Variants in TIMMDC1 observed in about 807,000 individuals in gnomAD.
TIMMDC1 encodes complex I assembly factor TIMMDC1, mitochondrial.
A neutral mutation model predicts 32.6 loss-of-function variants in TIMMDC1; 25 were observed. That is an observed-to-expected ratio of 0.77 (90% CI 0.56 to 1.07). The LOEUF (loss-of-function observed/expected upper bound fraction) is 1.07. Among genes scored for constraint, TIMMDC1 ranks in the 50% least tolerant of loss-of-function variants. TIMMDC1 has a pLI of 0.00. For missense variants in TIMMDC1, 329 were observed against 349.2 expected (o/e 0.94, Z 0.46); for synonymous variants, 130 against 127.6 (o/e 1.02, Z -0.13).
In TIMMDC1 at chr3:119,517,316, G is replaced by A. The variant is rs764788304; in HGVS notation, c.707+1G>A. Reference sequence around the variant, plus strand: ...TCCATGAGCTAAAACTGGAAGAGTGGTAAGGAACATGTTGAGCCCAGGGAA... The same window carrying A: ...TCCATGAGCTAAAACTGGAAGAGTGATAAGGAACATGTTGAGCCCAGGGAA... On this transcript the variant is annotated splice_donor_variant, in intron 6 of 6. Transcript: ENST00000494664. LOFTEE classifies it high-confidence loss of function. 2.5e-6 allele frequency: 4 copies of A among 1,600,896 alleles called. No homozygotes were observed. Among genetic ancestry groups the A allele is most frequent in the Non-Finnish European group, 3.4e-6 (4 of 1,167,996 alleles).
intron 5 of TIMMDC1, among the ~76,000 whole-genome samples, chr3:119,515,737 G>T (rs1440822538): frequency 6.6e-6 from 1 of 152,170 alleles, no homozygotes; most frequent in African/African-American, 2.4e-5. Context: ...CTGCTCTCCA[G>T]CTATCTTTTC....
chr3:119,501,704 A>T (rs1485252183), intron 2 of TIMMDC1, among the ~76,000 whole-genome samples: 2 of 152,184 alleles, frequency 1.3e-5, no homozygotes, highest in African/African-American at 4.8e-5. Context: ...TTAAAAAATT[A>T]ATTAATTAAA....
At chr3:119,521,743 T>G (rs2082028397) in intron 6 of TIMMDC1, among the ~76,000 whole-genome samples, 1 of 151,344 alleles carries the variant, frequency 6.6e-6, no homozygotes, top group African/African-American at 2.4e-5. Context: ...CTTGTATTTC[T>G]CAAAAAATAC....
At chr3:119,504,060 TAC>T in intron 4 of TIMMDC1, 39 bp downstream of exon 4, 1 of 1,493,740 alleles carries the variant, frequency 6.7e-7, no homozygotes, top group Non-Finnish European at 9.3e-7. Context: ...TCTTCTCAAA[TAC>T]AGTTTAGAAA....
At chr3:119,508,533 G>A (rs898145664) in intron 4 of TIMMDC1, among the ~76,000 whole-genome samples, 1 of 152,216 alleles carries the variant, frequency 6.6e-6, no homozygotes, top group African/African-American at 2.4e-5. Context: ...GAAACTGGAA[G>A]TCTCCCTTTC....
At chr3:119,505,761 A>G (rs180862047) in intron 4 of TIMMDC1, among the ~76,000 whole-genome samples, 2 of 152,360 alleles carry the variant, frequency 1.3e-5, no homozygotes, top group East Asian at 1.9e-4. Context: ...TCCTTCACAT[A>G]CAGAGACTTA....
At chr3:119,503,848 T>C (rs2081898037) in intron 3 of TIMMDC1, 106 bp from the exon 4 acceptor site, 1 of 1,008,082 alleles carries the variant, frequency 9.9e-7, no homozygotes, top group Non-Finnish European at 1.5e-6. Flanking sequence ...CAGGGATTGA[T>C]ATAGTAGGCT....
Position 119,498,870 on chromosome 3 carries a change from C to T in TIMMDC1, c.137C>T (p.Pro46Leu). 2 of 1,614,030 alleles carry T rather than the reference C, an allele frequency of 1.2e-6. No individual in the cohort carries two copies. Among genetic ancestry groups the T allele is most frequent in the Non-Finnish European group, 1.7e-6 (2 of 1,180,016 alleles). ...EERQKRLPYV[P>L]EPYYPESGWD... is the part of the protein sequence containing the mutation. ...CGTCAGAAGCGGCTTCCCTACGTCC[C>T]AGAGCCCTATTACCCGGAATCTGGA... The change falls in exon 1 of 7, where the codon CCA (proline) becomes CTA (leucine). Residue 46 changes from proline to leucine, a missense_variant. Physicochemically the swap from Pro to Leu is moderately conservative, Grantham distance 98 (BLOSUM62 -3). Transcript: ENST00000494664.
In TIMMDC1 at chr3:119,521,463, T is replaced by C. The variant is rs541296698; in HGVS notation, c.708-2143T>C. On this transcript the variant is annotated intron_variant, in intron 6 of 6. Transcript: ENST00000494664. The stretch of plus-strand genomic sequence containing the variant: ...GTGGGAGGCTGAGGCAGGAGGATTG[T>C]TTGAGCCTGGGAGGTGGAGGTTGCA... 3.9e-4 allele frequency among the ~76,000 whole-genome samples: 60 copies of C among 152,190 alleles called. No homozygotes were observed. The South Asian group carries it at 5.6e-3, about 14-fold the overall frequency.
At chr3:119,514,053 C>T (rs1297042520) in intron 5 of TIMMDC1, among the ~76,000 whole-genome samples, 3 of 151,986 alleles carry the variant, frequency 2.0e-5, no homozygotes, top group East Asian at 3.8e-4. Context: ...AACTATAGTT[C>T]GAACACAGGT....
intron 1 of TIMMDC1, 151 bp from the exon 2 acceptor site, chr3:119,500,544 A>G (rs2081865368): frequency 1.6e-6 from 1 of 640,440 alleles, no homozygotes; most frequent in Admixed American, 3.4e-5. Context: ...GTTCCTTTTA[A>G]TATAACTGAA....
At chr3:119,522,628 T>A (rs957590085) in intron 6 of TIMMDC1, among the ~76,000 whole-genome samples, 2 of 152,162 alleles carry the variant, frequency 1.3e-5, no homozygotes, top group African/African-American at 4.8e-5. Context: ...TTACCCTGAT[T>A]TGATCATTAC....
intron 4 of TIMMDC1, among the ~76,000 whole-genome samples, chr3:119,507,237 C>G (rs933913838): frequency 2.0e-5 from 3 of 152,188 alleles, no homozygotes; most frequent in Admixed American, 6.5e-5. Flanking sequence ...TTTCTCTTCT[C>G]CTTCTGGTGT....
At chr3:119,505,532 A>AT (rs1553779310) in intron 4 of TIMMDC1, among the ~76,000 whole-genome samples, 3 of 151,918 alleles carry the variant, frequency 2.0e-5, no homozygotes, top group Non-Finnish European at 4.4e-5. Context: ...TTCCCAGCTA[A>AT]TTTTTTGTAT....
At chr3:119,519,146 AC>A (rs757202067) in intron 6 of TIMMDC1, among the ~76,000 whole-genome samples, 25 of 152,346 alleles carry the variant, frequency 1.6e-4, no homozygotes, top group Admixed American at 1.2e-3. Flanking sequence ...CCTTATAATT[AC>A]AAAAATCTAC....
At chr3:119,518,033 C>T (rs1473620725) in intron 6 of TIMMDC1, among the ~76,000 whole-genome samples, 2 of 149,814 alleles carry the variant, frequency 1.3e-5, no homozygotes, top group Non-Finnish European at 3.0e-5. Context: ...TGTTAAGTCT[C>T]CACAAAAATT....
intron 2 of TIMMDC1, among the ~76,000 whole-genome samples, chr3:119,503,194 C>T (rs925224820): frequency 6.6e-6 from 1 of 152,218 alleles, no homozygotes. Context: ...TTTCAGATTT[C>T]GGTTTTTTGG....
intron 3 of TIMMDC1, 73 bp downstream of exon 3, chr3:119,503,693 G>A (rs916199534): frequency 1.6e-6 from 2 of 1,275,188 alleles, no homozygotes; most frequent in African/African-American, 1.5e-5. Context: ...TTGAGCAGGT[G>A]GGGTTATGAA....
chr3:119,515,004 A>G (rs2081975845), intron 5 of TIMMDC1, among the ~76,000 whole-genome samples: 1 of 152,134 alleles, frequency 6.6e-6, no homozygotes, highest in Admixed American at 6.5e-5. Flanking sequence ...AGCCTGGCCA[A>G]CATGGTGAAA....
Sources: gnomAD v4.1 joint callset for allele counts (sites outside exome capture counted in the v4.1 genomes callset) on GRCh38, gnomAD v4.1.1 for gene constraint, MANE v1.5 for transcripts, NCBI Gene and HGNC (gene_info 2026-07-23, HGNC 2026-07-21) for gene names.